LGR5: variants seen among roughly 807,000 people sequenced by gnomAD.
LGR5 encodes leucine rich repeat containing G protein-coupled receptor 5, also known as leucine-rich repeat-containing G protein-coupled receptor 5.
In LGR5, 54 loss-of-function variants were observed where a neutral mutation model predicts 76.7. The observed-to-expected ratio is 0.70, with a 90% confidence interval of 0.57 to 0.88. LGR5 has a LOEUF of 0.88. Among genes scored for constraint, LGR5 ranks in the 40% least tolerant of loss-of-function variants. The probability of loss-of-function intolerance (pLI) is 0.00; values close to 1 mark genes in which losing one functional copy is unlikely to be tolerated. For synonymous variants in LGR5, 406 were observed against 421.9 expected, an observed-to-expected ratio of 0.96 and a Z score of 0.46; for missense variants, 1,078 against 1,073.3, an observed-to-expected ratio of 1.00 and a Z score of -0.06.
intron 16 of LGR5, 53 bp downstream of exon 16, chr12:71,580,476 ATGG>A: frequency 6.5e-7 from 1 of 1,538,470 alleles, no homozygotes; most frequent in Non-Finnish European, 8.9e-7. Context: ...AGTGGAACAC[ATGG>A]AAATGAATTA....
At chr12:71,463,947 A>G (rs1872767990) in intron 1 of LGR5, among the ~76,000 whole-genome samples, 3 of 152,144 alleles carry the variant, frequency 2.0e-5, no homozygotes, top group Admixed American at 6.5e-5. Flanking sequence ...GGCCTTTGTC[A>G]GTATAGGCAA....
At chr12:71,512,809 C>A (rs188464429) in intron 2 of LGR5, among the ~76,000 whole-genome samples, 1 of 152,256 alleles carries the variant, frequency 6.6e-6, no homozygotes, top group Non-Finnish European at 1.5e-5. Flanking sequence ...TGCAAGGAGG[C>A]AGCAGGACAT....
intron 4 of LGR5, among the ~76,000 whole-genome samples, chr12:71,542,609 T>A (rs554428158): frequency 3.7e-4 from 56 of 152,212 alleles, no homozygotes; most frequent in Admixed American, 7.8e-4. Context: ...ATCTAGGAGA[T>A]GAAATTACCA....
intron 1 of LGR5, among the ~76,000 whole-genome samples, chr12:71,489,581 T>C (rs757674294): frequency 7.2e-5 from 11 of 152,172 alleles, no homozygotes; most frequent in Non-Finnish European, 1.5e-4. Context: ...AATATTTAGG[T>C]TTAGTTTTAT....
intron 4 of LGR5, among the ~76,000 whole-genome samples, chr12:71,536,377 C>T (rs750397316): frequency 2.0e-5 from 3 of 152,130 alleles, no homozygotes; most frequent in Non-Finnish European, 4.4e-5. Context: ...GAGATCATTT[C>T]AAGCCTTTTA....
intron 1 of LGR5, among the ~76,000 whole-genome samples, chr12:71,483,250 C>T (rs1361803981): frequency 6.6e-6 from 1 of 152,124 alleles, no homozygotes; most frequent in African/African-American, 2.4e-5. Flanking sequence ...ACTCAGGATT[C>T]CAACTGGAGT....
chr12:71,498,490 A>T (rs1003552466), intron 1 of LGR5, among the ~76,000 whole-genome samples: 1 of 152,196 alleles, frequency 6.6e-6, no homozygotes, highest in Non-Finnish European at 1.5e-5. Context: ...TATCCTTAAC[A>T]TGGTTCCATA....
intron 1 of LGR5, among the ~76,000 whole-genome samples, chr12:71,451,937 AG>A (rs1872267903): frequency 6.6e-6 from 1 of 152,052 alleles, no homozygotes; most frequent in African/African-American, 2.4e-5. Context: ...AGGCTCTTTC[AG>A]GGCTCTTGAC....
intron 1 of LGR5, chr12:71,441,621 T>G (rs1468028939): frequency 6.6e-6 from 1 of 152,250 alleles, no homozygotes; most frequent in Non-Finnish European, 1.5e-5. Flanking sequence ...AAAACATCTT[T>G]TACTTGCTTT....
chr12:71,579,137 G>C (rs1878988045), intron 15 of LGR5, among the ~76,000 whole-genome samples: 1 of 152,138 alleles, frequency 6.6e-6, no homozygotes, highest in Middle Eastern at 3.2e-3. Context: ...CCTTCTCAAA[G>C]ATGCCTCCCA....
At chr12:71,503,580 A>G (rs1874709281) in intron 1 of LGR5, among the ~76,000 whole-genome samples, 1 of 152,232 alleles carries the variant, frequency 6.6e-6, no homozygotes, top group Non-Finnish European at 1.5e-5. Flanking sequence ...TGTGAATGAA[A>G]TCAGCTGGTT....
At chr12:71,578,432 G>T (rs1018127384) in intron 14 of LGR5, among the ~76,000 whole-genome samples, 1 of 152,088 alleles carries the variant, frequency 6.6e-6, no homozygotes, top group African/African-American at 2.4e-5. Context: ...TTAGACAGAA[G>T]TTAGGAGAAG....
At chr12:71,447,569 A>G (rs1227523738) in intron 1 of LGR5, among the ~76,000 whole-genome samples, 1 of 152,164 alleles carries the variant, frequency 6.6e-6, no homozygotes, top group East Asian at 1.9e-4. Context: ...CTATATGCAC[A>G]TTTTCCACAC....
At chr12:71,579,820 C>A (rs1014188912) in intron 15 of LGR5, among the ~76,000 whole-genome samples, 1 of 152,132 alleles carries the variant, frequency 6.6e-6, no homozygotes. Context: ...CATCCAGGAA[C>A]AAAAATCTTA....
chr12:71,576,686 A>T (rs953543660), intron 13 of LGR5, among the ~76,000 whole-genome samples: 3 of 152,120 alleles, frequency 2.0e-5, no homozygotes, highest in Non-Finnish European at 4.4e-5. Flanking sequence ...ATTCTCACAT[A>T]TTTACTTAAA....
chr12:71,553,296 T>G lies in LGR5; in HGVS notation c.644+8T>G. 1.9e-6 allele frequency: 3 copies of G among 1,609,624 alleles called. No homozygotes were observed. Among genetic ancestry groups the G allele is most frequent in the Non-Finnish European group, 2.6e-6 (3 of 1,176,012 alleles). On this transcript the variant is annotated splice_region_variant and intron_variant, in intron 5 of 17. Coordinates refer to ENST00000266674, the MANE Select transcript of LGR5 (RefSeq NM_003667.4). The stretch of plus-strand genomic sequence containing the variant: ...CTCCAGCTTGGTAGTTCTGTAAGTT[T>G]TATTGATTTTGCTCTCTTTTAACAG...
chr12:71,534,091 T>C (rs1876462812), intron 3 of LGR5, among the ~76,000 whole-genome samples: 1 of 152,166 alleles, frequency 6.6e-6, no homozygotes, highest in Admixed American at 6.5e-5. Context: ...ACTTAATAAG[T>C]AGAAATATTT....
chr12:71,560,620 C>T (rs972311571), intron 7 of LGR5, among the ~76,000 whole-genome samples: 3 of 152,146 alleles, frequency 2.0e-5, no homozygotes, highest in Non-Finnish European at 4.4e-5. Context: ...GGTGAAACCC[C>T]GTCTCTACTA....
intron 1 of LGR5, among the ~76,000 whole-genome samples, chr12:71,452,824 C>A (rs1872303850): frequency 6.6e-6 from 1 of 152,196 alleles, no homozygotes; most frequent in African/African-American, 2.4e-5. Flanking sequence ...ATAATAATGA[C>A]ATCTACCTGA....
Sources: gnomAD v4.1 joint callset for allele counts (sites outside exome capture counted in the v4.1 genomes callset) on GRCh38, gnomAD v4.1.1 for gene constraint, MANE v1.5 for transcripts, NCBI Gene and HGNC (gene_info 2026-07-23, HGNC 2026-07-21) for gene names.